Variants in RFX4 observed in about 807,000 individuals in gnomAD.
The protein encoded by RFX4 is regulatory factor X4, also known as transcription factor RFX4.
RFX4 carries 10 observed loss-of-function variants against 95.0 expected under a neutral mutation model. The ratio of observed to expected loss-of-function variants is 0.11; its 90% confidence interval spans 0.06 to 0.18. The LOEUF is 0.18. Ranked by LOEUF, RFX4 falls within the 10% of genes least tolerant of loss-of-function variation. The pLI is 1.00. For missense variants in RFX4, 640 were observed against 922.0 expected (o/e 0.69, Z 3.96); for synonymous variants, 321 against 340.7 (o/e 0.94, Z 0.64).
intron 3 of RFX4, among the ~76,000 whole-genome samples, chr12:106,643,701 TTTC>T (rs764896730): frequency 5.9e-5 from 9 of 152,184 alleles, no homozygotes; most frequent in Non-Finnish European, 1.3e-4. Flanking sequence ...TTTGTCTAAT[TTTC>T]TTCTTCTTTT....
chr12:106,612,490 C>G (rs2039980323), intron 2 of RFX4, among the ~76,000 whole-genome samples: 2 of 152,074 alleles, frequency 1.3e-5, no homozygotes, highest in Admixed American at 1.3e-4. Context: ...TTTATTAGTT[C>G]TAACAGTACT....
At chr12:106,597,880 G>A (rs1458188256) in intron 1 of RFX4, among the ~76,000 whole-genome samples, 9 of 152,104 alleles carry the variant, frequency 5.9e-5, no homozygotes, top group Non-Finnish European at 1.0e-4. Flanking sequence ...TGGTTGGGAT[G>A]GGGGTGCAAA....
At chr12:106,732,320 GTTTC>G in intron 14 of RFX4, 71 bp downstream of exon 14, 1 of 1,581,602 alleles carries the variant, frequency 6.3e-7, no homozygotes, top group Non-Finnish European at 8.6e-7. Context: ...TGTGCTTTAT[GTTTC>G]TTTAACTCTG....
intron 13 of RFX4, among the ~76,000 whole-genome samples, chr12:106,731,381 A>C (rs1310972793): frequency 6.6e-6 from 1 of 152,244 alleles, no homozygotes; most frequent in African/African-American, 2.4e-5. Flanking sequence ...CCACCTTGCC[A>C]CATGGTTGTA....
At chr12:106,592,921 A>AT (rs1423299901) in intron 1 of RFX4, among the ~76,000 whole-genome samples, 13 of 152,318 alleles carry the variant, frequency 8.5e-5, no homozygotes, top group African/African-American at 2.6e-4. Flanking sequence ...GAAAGAGATG[A>AT]TAAAAAGCAG....
intron 11 of RFX4, among the ~76,000 whole-genome samples, chr12:106,718,219 G>A (rs2042329387): frequency 6.6e-6 from 1 of 152,208 alleles, no homozygotes; most frequent in Non-Finnish European, 1.5e-5. Context: ...GGGGCTGGAT[G>A]CCCAAAAGAC....
chr12:106,713,621 A>G (rs907489569), intron 10 of RFX4, among the ~76,000 whole-genome samples: 2 of 152,176 alleles, frequency 1.3e-5, no homozygotes, highest in Non-Finnish European at 2.9e-5. Flanking sequence ...TCACTGAAAG[A>G]GAAGCGATCG....
chr12:106,608,974 C>A, intron 2 of RFX4, 91 bp downstream of exon 2: 4 of 1,124,688 alleles, frequency 3.6e-6, no homozygotes, highest in Non-Finnish European at 3.9e-6. Context: ...TAGGCTGGGC[C>A]AAGTCACCTG....
intron 13 of RFX4, among the ~76,000 whole-genome samples, chr12:106,721,307 A>C (rs2042391957): frequency 6.6e-6 from 1 of 152,136 alleles, no homozygotes; most frequent in South Asian, 2.1e-4. Flanking sequence ...GATGACCTTA[A>C]GTTTTCTTTA....
rs1164991309 is a variant in RFX4 at position 106,640,512 on chromosome 12, AAGAAT to A, written c.191+1123_191+1127del. 2.0e-5 allele frequency among the ~76,000 whole-genome samples: 3 copies of A among 152,360 alleles called. No individual in the cohort carries two copies. The South Asian group carries it at 6.2e-4, about 32-fold the overall frequency. On this transcript the variant is annotated intron_variant, in intron 3 of 17. Coordinates refer to ENST00000392842, the MANE Select transcript of RFX4 (RefSeq NM_213594.3). The stretch of plus-strand genomic sequence containing the variant: ...CTCAGCAGTCAGCTTGTTTTGCTTC[AAGAAT>A]AGCAAAGGTTGTTTTCAAGAGCTCT...
At chr12:106,702,349 A>T (rs1448991693) in intron 8 of RFX4, among the ~76,000 whole-genome samples, 2 of 152,190 alleles carry the variant, frequency 1.3e-5, no homozygotes, top group Non-Finnish European at 1.5e-5. Flanking sequence ...GAGTTGAGGC[A>T]GTCTATTCGG....
chr12:106,616,345 GGGTGTGATTTTTATATATTTCA>G (rs1203497523), intron 2 of RFX4, among the ~76,000 whole-genome samples: 1 of 151,994 alleles, frequency 6.6e-6, no homozygotes, highest in African/African-American at 2.4e-5. Context: ...ATATACTTCT[GGGTGTGATTTTTATATATTTCA>G]GGCTGGATTT....
At chr12:106,652,859 A>G (rs1264759930) in intron 3 of RFX4, among the ~76,000 whole-genome samples, 2 of 152,146 alleles carry the variant, frequency 1.3e-5, no homozygotes, top group Non-Finnish European at 2.9e-5. Context: ...TCTTTGGCAA[A>G]TGCTCTCAGA....
At chr12:106,659,442 C>T (rs892581777) in intron 4 of RFX4, among the ~76,000 whole-genome samples, 3 of 152,142 alleles carry the variant, frequency 2.0e-5, no homozygotes, top group South Asian at 2.1e-4. Context: ...AACAAACATA[C>T]GGTAATAGGG....
chr12:106,732,387 A>G, intron 14 of RFX4, 138 bp downstream of exon 14: 2 of 1,261,016 alleles, frequency 1.6e-6, no homozygotes, highest in Non-Finnish European at 2.2e-6. Flanking sequence ...CAAACCAATC[A>G]TGTCTTTTTC....
At chr12:106,705,096 A>G (rs777886573) in intron 8 of RFX4, among the ~76,000 whole-genome samples, 13 of 152,214 alleles carry the variant, frequency 8.5e-5, no homozygotes, top group Admixed American at 7.9e-4. Context: ...TTGGACAAGT[A>G]AAATAACTTT....
intron 4 of RFX4, among the ~76,000 whole-genome samples, chr12:106,665,619 T>C (rs1465693127): frequency 1.3e-5 from 2 of 152,054 alleles, no homozygotes. Context: ...GCATTTCATA[T>C]CATTCCATTT....
intron 4 of RFX4, among the ~76,000 whole-genome samples, chr12:106,658,079 C>A (rs1448221590): frequency 2.6e-5 from 4 of 152,104 alleles, no homozygotes; most frequent in Non-Finnish European, 5.9e-5. Context: ...TTATGCATCC[C>A]CTACACCCAG....
At chr12:106,724,749 C>T (rs144389859) in intron 13 of RFX4, among the ~76,000 whole-genome samples, 187 of 152,244 alleles carry the variant, frequency 1.2e-3, no homozygotes, top group Admixed American at 2.4e-3. Flanking sequence ...CAGCTGGGCG[C>T]GATGGCTCAC....
Sources: allele counts gnomAD v4.1 joint callset (sites outside exome capture counted in the v4.1 genomes callset), GRCh38; gene constraint gnomAD v4.1.1; transcripts MANE v1.5; gene names NCBI Gene and HGNC (gene_info 2026-07-23, HGNC 2026-07-21).